The following LCORL variants were observed in gnomAD, a reference collection of about 807,000 sequenced individuals.
The protein encoded by LCORL is ligand dependent nuclear receptor corepressor like.
LCORL carries 41 observed loss-of-function variants against 141.8 expected under a neutral mutation model. The ratio of observed to expected loss-of-function variants is 0.29; its 90% CI spans 0.23 to 0.38. LCORL has a LOEUF of 0.38. Ranked by LOEUF, LCORL falls within the 10% of genes least tolerant of loss-of-function variation. The pLI is 1.00. For missense variants in LCORL, 1,759 were observed against 2,035.0 expected (o/e 0.86, Z 2.61); for synonymous variants, 618 against 694.1 (o/e 0.89, Z 1.72).
chr4:17,911,722 G>T, intron 4 of LCORL: 2 of 489,820 alleles, frequency 4.1e-6, no homozygotes, highest in South Asian at 3.2e-5. Context: ...CTGTTTCCTG[G>T]ACTCCGTCCA....
chr4:17,894,127 C>T (rs1021254803), intron 5 of LCORL, among the ~76,000 whole-genome samples: 1 of 152,030 alleles, frequency 6.6e-6, no homozygotes, highest in Admixed American at 6.6e-5. Flanking sequence ...CAGCACTTTC[C>T]CCAATTTATG....
At chr4:18,002,789 G>T (rs1194991312) in intron 1 of LCORL, among the ~76,000 whole-genome samples, 1 of 152,066 alleles carries the variant, frequency 6.6e-6, no homozygotes, top group Non-Finnish European at 1.5e-5. Context: ...CTCAGCCCAA[G>T]TCTTCATATA....
chr4:17,869,288 T>C (rs1395872374), intron 7 of LCORL, among the ~76,000 whole-genome samples: 2 of 152,104 alleles, frequency 1.3e-5, no homozygotes, highest in Non-Finnish European at 2.9e-5. Context: ...TTGTATATTC[T>C]CTCCATTCAT....
chr4:17,992,296 G>GT (rs1720165143), intron 1 of LCORL, among the ~76,000 whole-genome samples: 1 of 152,090 alleles, frequency 6.6e-6, no homozygotes, highest in African/African-American at 2.4e-5. Context: ...ATCAGATCTC[G>GT]TGAGAACTCA....
chr4:17,973,194 T>C (rs1716303705), intron 1 of LCORL, among the ~76,000 whole-genome samples: 1 of 151,892 alleles, frequency 6.6e-6, no homozygotes, highest in South Asian at 2.1e-4. Flanking sequence ...TGTAATAATC[T>C]TGCAGAGAGG....
chr4:17,884,237 C>A lies in LCORL; in HGVS notation c.776+1831G>T, dbSNP rs1291732959. 3.9e-6 allele frequency: 6 copies of A among 1,550,496 alleles called. No homozygotes were observed. The highest frequency in any genetic ancestry group is 5.2e-6 in the Non-Finnish European group (6 of 1,146,364). On this transcript the variant is annotated intron_variant, in intron 6 of 7. Transcript: ENST00000635767. This position sits in a 1 kb window ranked among gnomAD's most constrained non-coding sequence, Gnocchi z 4.4. Reference sequence around the variant, plus strand: ...AACTTGATACATAACATCCAACAGACCAGAACCATCAGGTTGTGATTTTGA... The same window carrying A: ...AACTTGATACATAACATCCAACAGAACAGAACCATCAGGTTGTGATTTTGA...
rs375739080 is a variant in LCORL at position 17,907,783 on chromosome 4, T to C, written c.682+1311A>G. Among the ~76,000 whole-genome samples the C allele has an allele frequency of 9.9e-5, 15 of 152,190 alleles. No homozygotes were observed. In the East Asian group the frequency reaches 1.9e-3, roughly 19 times the overall value. On this transcript the variant is annotated intron_variant, in intron 5 of 7. Coordinates refer to ENST00000635767, the Ensembl canonical transcript of LCORL. Reference sequence around the variant, plus strand: ...TTTTATGTGTGGCCCAACACAACTCTTCTTCTTCCATTGTAGCCCGGGGAA... The same window carrying C: ...TTTTATGTGTGGCCCAACACAACTCCTCTTCTTCCATTGTAGCCCGGGGAA...
intron 5 of LCORL, among the ~76,000 whole-genome samples, chr4:17,897,298 A>G (rs773938807): frequency 1.3e-4 from 13 of 103,592 alleles, no homozygotes; most frequent in Non-Finnish European, 1.6e-4. Flanking sequence ...TAGTGGCTCT[A>G]TTTTTAGTTT....
At chr4:17,977,192 T>C (rs1717144738) in intron 1 of LCORL, among the ~76,000 whole-genome samples, 1 of 152,190 alleles carries the variant, frequency 6.6e-6, no homozygotes, top group African/African-American at 2.4e-5. Flanking sequence ...ATATTAGATA[T>C]ACTACAATTT....
intron 4 of LCORL, among the ~76,000 whole-genome samples, chr4:17,935,433 T>G (rs754816336): frequency 1.2e-4 from 18 of 152,200 alleles, no homozygotes; most frequent in Non-Finnish European, 2.2e-4. Context: ...AAATGTGACC[T>G]TCAATGTTGG....
intron 5 of LCORL, among the ~76,000 whole-genome samples, chr4:17,908,612 C>T (rs1732027283): frequency 6.6e-6 from 1 of 152,122 alleles, no homozygotes; most frequent in African/African-American, 2.4e-5. Context: ...TTCCTTATGA[C>T]CAATGTTTCT....
At chr4:17,852,321 A>C (rs905552982) in intron 7 of LCORL, among the ~76,000 whole-genome samples, 2 of 152,108 alleles carry the variant, frequency 1.3e-5, no homozygotes, top group Non-Finnish European at 2.9e-5. Context: ...ACCTGGGCTC[A>C]ATTTCTGACA....
intron 1 of LCORL, among the ~76,000 whole-genome samples, chr4:18,007,787 T>C (rs1027643292): frequency 6.6e-6 from 1 of 152,172 alleles, no homozygotes; most frequent in African/African-American, 2.4e-5. Context: ...TGACAGAGGA[T>C]GAAAGGATCT....
chr4:18,004,190 T>C (rs1722424474), intron 1 of LCORL, among the ~76,000 whole-genome samples: 1 of 152,206 alleles, frequency 6.6e-6, no homozygotes, highest in Admixed American at 6.5e-5. Context: ...CTATATATAC[T>C]GACTCCACCT....
At chr4:17,950,465 T>C (rs1284044559) in intron 4 of LCORL, among the ~76,000 whole-genome samples, 2 of 152,288 alleles carry the variant, frequency 1.3e-5, no homozygotes, top group Non-Finnish European at 2.9e-5. Flanking sequence ...ATATCTGATG[T>C]GGGGTGCTAA....
intron 5 of LCORL, among the ~76,000 whole-genome samples, chr4:17,897,213 CTTTTTTTTTTTTTTTTTTTTTTTTTT>C (rs761784734): frequency 3.1e-5 from 2 of 63,996 alleles, no homozygotes; most frequent in African/African-American, 5.8e-5. Context: ...ATACTGATTT[CTTTTTTTTTTTTTTTTTTTTTTTTTT>C]TTTTTTTTTT....
chr4:17,849,977 C>T (rs1723435762), intron 7 of LCORL, among the ~76,000 whole-genome samples: 1 of 151,568 alleles, frequency 6.6e-6, no homozygotes, highest in Non-Finnish European at 1.5e-5. Context: ...AATAATGCCA[C>T]ATATCTACAA....
At chr4:17,973,055 T>G (rs983593855) in intron 1 of LCORL, among the ~76,000 whole-genome samples, 170 bp from the exon 2 acceptor site, 7 of 151,832 alleles carry the variant, frequency 4.6e-5, no homozygotes, top group African/African-American at 1.7e-4. Context: ...AGTCACACAA[T>G]GACTACCAGA....
At chr4:17,874,179 T>C (rs1167860403) in exon 7 of LCORL, 1 of 1,233,908 alleles carries the variant, frequency 8.1e-7, no homozygotes, top group East Asian at 3.2e-5. Flanking sequence ...CCACCTTTCA[T>C]GATGCAACCT....
Sources: gnomAD v4.1 joint callset for allele counts (sites outside exome capture counted in the v4.1 genomes callset) on GRCh38, gnomAD v4.1.1 for gene constraint, Gnocchi (gnomAD v3.1) non-coding constraint, MANE v1.5 for transcripts, NCBI Gene and HGNC (gene_info 2026-07-23, HGNC 2026-07-21) for gene names.